The following DCUN1D1 variants were observed in gnomAD, a reference collection of about 807,000 sequenced individuals.
The protein encoded by DCUN1D1 is defective in cullin neddylation 1 domain containing 1.
Under a neutral mutation model 39.0 loss-of-function variants are expected in DCUN1D1, and 3 were observed. The ratio of observed to expected loss-of-function variants is 0.08; its 90% confidence interval spans 0.04 to 0.20. The LOEUF (loss-of-function observed/expected upper bound fraction) is 0.20, where lower values mean the gene tolerates loss of function less well. Ranked by LOEUF, DCUN1D1 falls within the 10% of genes least tolerant of loss-of-function variation. The probability of loss-of-function intolerance (pLI) is 1.00; values close to 1 mark genes in which losing one functional copy is unlikely to be tolerated. For missense variants in DCUN1D1, 158 were observed against 302.4 expected, an observed-to-expected ratio of 0.52 and a Z score of 3.54; for synonymous variants, 82 against 96.3, an observed-to-expected ratio of 0.85 and a Z score of 0.87.
chr3:182,960,817 A>G (rs889852630), intron 4 of DCUN1D1, among the ~76,000 whole-genome samples: 7 of 152,196 alleles, frequency 4.6e-5, no homozygotes, highest in Non-Finnish European at 8.8e-5. Flanking sequence ...CAAATAAATC[A>G]TAACAAAAAA....
At chr3:182,945,481 A>C (rs771555417) in intron 6 of DCUN1D1, among the ~76,000 whole-genome samples, 1 of 152,188 alleles carries the variant, frequency 6.6e-6, no homozygotes, top group Non-Finnish European at 1.5e-5. Context: ...AATGGAAGTA[A>C]TTTGGTCAAA....
chr3:182,961,203 A>G (rs1727364444), intron 4 of DCUN1D1, 23 bp downstream of exon 4: 1 of 1,435,886 alleles, frequency 7.0e-7, no homozygotes, highest in Non-Finnish European at 9.5e-7. Flanking sequence ...GAAACACCAA[A>G]TATAATTTTT....
rs1268365988 is a variant in DCUN1D1, at chr3:182,966,321, A to C, written c.4-568T>G. Among the ~76,000 whole-genome samples the C allele has an allele frequency of 1.3e-5, 2 of 152,230 alleles. 1 individual carries two copies. Among genetic ancestry groups the C allele is most frequent in the Non-Finnish European group, 2.9e-5 (2 of 68,040 alleles). ...TTGCTGTTTTTACCAAATAGGAGAA[A>C]GCAATAAAATAGGAGTATTCGACAT... On this transcript the variant is annotated intron_variant, in intron 1 of 6. Transcript: ENST00000292782.
intron 1 of DCUN1D1, among the ~76,000 whole-genome samples, chr3:182,978,852 A>T (rs1468228802): frequency 6.6e-6 from 1 of 152,234 alleles, no homozygotes; most frequent in Non-Finnish European, 1.5e-5. Flanking sequence ...AGAAGCTTAC[A>T]AGCTGAACTC....
At chr3:182,947,073 C>A (rs1560160395) in intron 6 of DCUN1D1, among the ~76,000 whole-genome samples, 165 bp downstream of exon 6, 1 of 152,062 alleles carries the variant, frequency 6.6e-6, no homozygotes, top group Non-Finnish European at 1.5e-5. Context: ...AATGCACCTA[C>A]CCTGGGCAAC....
At chr3:182,976,240 T>C (rs781442541) in intron 1 of DCUN1D1, among the ~76,000 whole-genome samples, 31 of 151,984 alleles carry the variant, frequency 2.0e-4, no homozygotes, top group Non-Finnish European at 3.4e-4. Context: ...AAAATAATTA[T>C]CTGTAATACT....
chr3:182,940,092 T>G lies in DCUN1D1; in HGVS notation c.*5002A>C, dbSNP rs1365609276. ...TCATGTAATTATGTGACAAAATCAC[T>G]GTTAACGATTTAATTAGCATTGTCC... On this transcript the variant is annotated 3_prime_UTR_variant, in exon 7 of 7. Transcript: ENST00000292782. The G allele has an allele frequency of 1.3e-5, 2 of 152,190 alleles. No homozygotes were observed. The highest frequency in any genetic ancestry group is 3.8e-4 in the East Asian group (2 of 5,202). The allele number at this position is 152,190 out of a possible 1,614,324, so 9.4% of individuals were successfully genotyped here.
At chr3:182,967,387 T>C (rs1228550468) in intron 1 of DCUN1D1, among the ~76,000 whole-genome samples, 1 of 152,146 alleles carries the variant, frequency 6.6e-6, no homozygotes, top group Non-Finnish European at 1.5e-5. Context: ...CTGCTTGCTG[T>C]ACATATTTAC....
At chr3:182,982,939 T>C (rs1728608393), upstream of DCUN1D1, among the ~76,000 whole-genome samples, 1 of 152,192 alleles carries the variant, frequency 6.6e-6, no homozygotes, top group African/African-American at 2.4e-5. Context: ...CCACCGCGCC[T>C]GGCCAGCCAA....
chr3:182,964,659 G>A lies in DCUN1D1; in HGVS notation c.221-610C>T, dbSNP rs1363463041. On this transcript the variant is annotated intron_variant, in intron 2 of 6. Coordinates refer to ENST00000292782, the MANE Select transcript of DCUN1D1 (RefSeq NM_020640.4). ...TCTTTTTTTTTTTTTTTTTTTTTTT[G>A]AGACGGAGTCTCACTCTGTCACCCA... 2.0e-4 allele frequency among the ~76,000 whole-genome samples: 3 copies of A among 14,992 alleles called. No homozygotes were observed. The East Asian group carries it at 4.5e-3, about 22-fold the overall frequency. The allele number at this position is 14,992 out of a possible 152,430, so 9.8% of individuals were successfully genotyped here. A position where few individuals can be genotyped will look rare whatever the true frequency, so the allele number is the denominator to read the frequency against.
chr3:182,976,734 A>G (rs1728259084), intron 1 of DCUN1D1, among the ~76,000 whole-genome samples: 1 of 152,148 alleles, frequency 6.6e-6, no homozygotes. Context: ...ATGTCTCCCT[A>G]CTAAAAGGTA....
intron 1 of DCUN1D1, among the ~76,000 whole-genome samples, chr3:182,970,198 A>C (rs1230061377): frequency 6.6e-6 from 1 of 152,170 alleles, no homozygotes; most frequent in East Asian, 1.9e-4. Context: ...CAAGAGTTCA[A>C]GGCTGCAGTG....
intron 4 of DCUN1D1, among the ~76,000 whole-genome samples, chr3:182,949,357 C>T (rs941092084): frequency 8.0e-5 from 12 of 149,378 alleles, no homozygotes; most frequent in East Asian, 2.1e-4. Flanking sequence ...AACAAGACTC[C>T]GTCTCAGAAA....
chr3:182,952,715 G>T (rs540367608), intron 4 of DCUN1D1, among the ~76,000 whole-genome samples: 3 of 152,218 alleles, frequency 2.0e-5, no homozygotes, highest in East Asian at 3.9e-4. Context: ...GATGTCTCCT[G>T]AAAGTGTTGA....
At position 182,941,554 on chromosome 3, in the gene DCUN1D1, T is replaced by C. The variant is rs1446140001; in HGVS notation, c.*3540A>G. ...GTGTCCCCATTTATATGTTAAATAG[T>C]TCACATTTAAAAAAACATTTTATCA... On this transcript the variant is annotated 3_prime_UTR_variant, in exon 7 of 7. Transcript: ENST00000292782. The C allele has an allele frequency of 1.3e-5, 2 of 152,112 alleles. No homozygotes were observed. The highest frequency in any genetic ancestry group is 2.9e-5 in the Non-Finnish European group (2 of 67,970). 9.4% of individuals were successfully genotyped at this position (152,112 alleles called of 1,614,324 possible). A position where few individuals can be genotyped will look rare whatever the true frequency, so the allele number is the denominator to read the frequency against.
At chr3:182,980,239 G>A in intron 1 of DCUN1D1, 1 of 308,986 alleles carries the variant, frequency 3.2e-6, no homozygotes, top group Non-Finnish European at 4.7e-6. Flanking sequence ...AAACTCCCCG[G>A]GGCTCCCGAC....
In DCUN1D1 at chr3:182,943,719, C is replaced by T. The variant is rs1726253243; in HGVS notation, c.*1375G>A. ...TGCCTTACGGAAATGTTTAAGAAAG[C>T]AAGAAACCCTTCTTCACATGTCAGT... On this transcript the variant is annotated 3_prime_UTR_variant, in exon 7 of 7. Transcript: ENST00000292782. 2 of 152,430 alleles carry T rather than the reference C, an allele frequency of 1.3e-5. No homozygotes were observed. Among genetic ancestry groups the T allele is most frequent in the African/African-American group, 4.8e-5 (2 of 41,398 alleles). The allele number at this position is 152,430 out of a possible 1,614,324, so 9.4% of individuals were successfully genotyped here.
At chr3:182,947,843 A>C (rs1726495570) in intron 4 of DCUN1D1, among the ~76,000 whole-genome samples, 1 of 152,244 alleles carries the variant, frequency 6.6e-6, no homozygotes, top group Non-Finnish European at 1.5e-5. Flanking sequence ...TTTAGGGCAA[A>C]AAATGATACT....
At chr3:182,945,210 G>A (rs761210517) in intron 6 of DCUN1D1, 37 bp from the exon 7 acceptor site, 3 of 1,513,568 alleles carry the variant, frequency 2.0e-6, no homozygotes, top group African/African-American at 2.8e-5. Flanking sequence ...AAGAGAAGGG[G>A]GAAAAAAGCA....
Sources: allele counts gnomAD v4.1 joint callset (sites outside exome capture counted in the v4.1 genomes callset), GRCh38; gene constraint gnomAD v4.1.1; transcripts MANE v1.5; gene names NCBI Gene and HGNC (gene_info 2026-07-23, HGNC 2026-07-21).